Variants in FRYL observed in about 807,000 individuals in gnomAD.
FRYL encodes the protein FRY like transcription coactivator.
In FRYL, 150 loss-of-function variants were observed where a neutral mutation model predicts 351.2. The ratio of observed to expected loss-of-function variants is 0.43; its 90% CI spans 0.37 to 0.49. The LOEUF is 0.49. Ranked by LOEUF, FRYL falls within the 20% of genes least tolerant of loss-of-function variation. The pLI, the probability that FRYL is intolerant of heterozygous loss-of-function variation, is 0.00. For missense variants in FRYL, 3,036 were observed against 3,619.3 expected (o/e 0.84, Z 4.13); for synonymous variants, 1,153 against 1,257.1 (o/e 0.92, Z 1.75).
At position 48,637,043 on chromosome 4, in the gene FRYL, G is replaced by T. The variant is rs559543333; in HGVS notation, c.-80-2553C>A. 4 of 152,046 alleles carry T rather than the reference G, an allele frequency of 2.6e-5. No individual in the cohort carries two copies. The South Asian group carries it at 6.2e-4, about 24-fold the overall frequency. The allele number at this position is 152,046 out of a possible 1,614,324, so 9.4% of individuals were successfully genotyped here. A position where few individuals can be genotyped will look rare whatever the true frequency, so the allele number is the denominator to read the frequency against. ...TATAAAACCAAAGTAAAATTAGACA[G>T]CAGGAAAAAATATGTGGGCATATAA... On this transcript the variant is annotated intron_variant, in intron 3 of 63. Transcript: ENST00000358350.
chr4:48,516,535 A>G (rs1269837039), intron 55 of FRYL, among the ~76,000 whole-genome samples: 1 of 152,190 alleles, frequency 6.6e-6, no homozygotes, highest in African/African-American at 2.4e-5. Context: ...TCAGCTGTAG[A>G]GTAGCTCCTT....
intron 2 of FRYL, among the ~76,000 whole-genome samples, chr4:48,696,117 G>A (rs1434285348): frequency 6.6e-6 from 1 of 152,140 alleles, no homozygotes; most frequent in African/African-American, 2.4e-5. Flanking sequence ...AAGACAGGGT[G>A]GCGATTCCTC....
chr4:48,654,077 T>C (rs1758282874), intron 3 of FRYL, among the ~76,000 whole-genome samples: 1 of 152,168 alleles, frequency 6.6e-6, no homozygotes, highest in African/African-American at 2.4e-5. Flanking sequence ...TATGCAGATA[T>C]ACACATGGCC....
Position 48,540,728 on chromosome 4 carries a change from C to G in FRYL, c.5920G>C (p.Ala1974Pro). Residue 1974 changes from alanine (A) to proline (P), a missense_variant, in exon 46 of 64, where the codon GCA becomes CCA. Physicochemically the swap from Ala to Pro is conservative, Grantham distance 27 (BLOSUM62 -1). This residue lies in a region of FRYL where 1,987 missense variants were observed against 2,311.7 expected (regional missense o/e 0.86). Transcript: ENST00000358350. The part of the protein sequence containing the change: ...DGRINHSSSL[A>P]RTRSLSSLRE... ...AGAGAGGAAAGGCTTCTAGTCCTTG[C>G]TAAACTACTGCTATGGTTTATCCGT... The G allele has an allele frequency of 6.2e-7, 1 of 1,614,032 alleles. No individual in the cohort carries two copies.
rs1424261729 is a variant in FRYL at position 48,579,233 on chromosome 4, C to A, written c.2268G>T (p.Leu756Phe). Residue 756 changes from leucine (L) to phenylalanine (F), a missense_variant, in exon 23 of 64, where the codon TTG becomes TTT. This residue lies in a region of FRYL where 492 missense variants were observed against 551.5 expected (regional missense o/e 0.89). Coordinates refer to ENST00000358350, the MANE Select transcript of FRYL (RefSeq NM_015030.2). ...AATCTATCGAGCTAGGGCAATAGAG[C>A]AAAGTAGTCTATATGGAGAGGAAAA... The part of the protein sequence containing the change: ...IHLTGADQTT[L>F]LYCPSSIDLQ... The A allele has an allele frequency of 1.9e-6, 3 of 1,608,254 alleles. No individual in the cohort carries two copies. Among genetic ancestry groups the A allele is most frequent in the Middle Eastern group, 1.7e-4 (1 of 6,030 alleles).
chr4:48,660,487 G>A (rs1408200062), intron 3 of FRYL, among the ~76,000 whole-genome samples: 1 of 152,140 alleles, frequency 6.6e-6, no homozygotes, highest in Non-Finnish European at 1.5e-5. Flanking sequence ...TTCCTCCTGG[G>A]CATCTAAAAT....
chr4:48,723,862 G>A (rs1056819141), intron 1 of FRYL, among the ~76,000 whole-genome samples: 4 of 151,188 alleles, frequency 2.6e-5, no homozygotes, highest in Non-Finnish European at 4.4e-5. Flanking sequence ...AAGACAGGAG[G>A]ACTGTTTGAA....
At position 48,659,209 on chromosome 4, in the gene FRYL, G is replaced by C. The variant is rs558076476; in HGVS notation, c.-80-24719C>G. Among the ~76,000 whole-genome samples the C allele has an allele frequency of 2.2e-4, 34 of 151,586 alleles. No homozygotes were observed. The South Asian group carries it at 4.2e-3, about 19-fold the overall frequency. On this transcript the variant is annotated intron_variant, in intron 3 of 63. Transcript: ENST00000358350. ...CTACTGAAAATACAAAAATTAGCCA[G>C]GCATAGTGGTGTGCGCTTGTAGTCC...
Position 48,570,671 on chromosome 4 carries a change from G to A in FRYL, c.2996+156C>T, listed in dbSNP as rs553415214. Among the ~76,000 whole-genome samples, 10 of 152,232 alleles carry A rather than the reference G, an allele frequency of 6.6e-5. No individual in the cohort carries two copies. The East Asian group carries it at 1.3e-3, about 21-fold the overall frequency. On this transcript the variant is annotated intron_variant, in intron 27 of 63. Transcript: ENST00000358350. The stretch of plus-strand genomic sequence containing the variant: ...ATTTTTAGCTACTGGTCAGTGTATC[G>A]AATGCATATTTATTTGTTAAATAAT...
At chr4:48,698,680 A>G (rs1323270248) in intron 2 of FRYL, among the ~76,000 whole-genome samples, 1 of 152,218 alleles carries the variant, frequency 6.6e-6, no homozygotes, top group Non-Finnish European at 1.5e-5. Flanking sequence ...AACATTCCAA[A>G]TTAGTTTGGT....
Position 48,576,024 on chromosome 4 carries a change from A to G in FRYL, c.2721+6T>C. The G allele has an allele frequency of 6.4e-7, 1 of 1,568,688 alleles. No homozygotes were observed. Among genetic ancestry groups the G allele is most frequent in the South Asian group, 1.2e-5 (1 of 83,970 alleles). The stretch of plus-strand genomic sequence containing the variant: ...ATATATCCAACAGTGGATCTGAGAA[A>G]CTTACTTTAGAATCAATGCTATAGC... On this transcript the variant is annotated splice_donor_region_variant and intron_variant, in intron 24 of 63. Coordinates refer to ENST00000358350, the MANE Select transcript of FRYL (RefSeq NM_015030.2).
intron 1 of FRYL, among the ~76,000 whole-genome samples, chr4:48,719,676 G>C (rs1451622011): frequency 6.6e-6 from 1 of 151,570 alleles, no homozygotes; most frequent in Non-Finnish European, 1.5e-5. Context: ...GACACCTCTG[G>C]AAGTTAAGAT....
At chr4:48,722,759 T>C (rs1769632195) in intron 1 of FRYL, among the ~76,000 whole-genome samples, 1 of 152,226 alleles carries the variant, frequency 6.6e-6, no homozygotes, top group Non-Finnish European at 1.5e-5. Context: ...GTCTTTTACA[T>C]TTTTTATACA....
intron 4 of FRYL, among the ~76,000 whole-genome samples, chr4:48,625,338 A>G (rs1159451683): frequency 6.6e-6 from 1 of 152,200 alleles, no homozygotes; most frequent in Non-Finnish European, 1.5e-5. Context: ...CTATCAATGG[A>G]AAAAATGTGA....
intron 13 of FRYL, among the ~76,000 whole-genome samples, chr4:48,599,776 T>C (rs1157322164): frequency 6.6e-6 from 1 of 152,102 alleles, no homozygotes; most frequent in Non-Finnish European, 1.5e-5. Flanking sequence ...TTAGAGGATG[T>C]AGCATCCAAT....
chr4:48,650,281 C>A (rs1757349199), intron 3 of FRYL, among the ~76,000 whole-genome samples: 2 of 152,086 alleles, frequency 1.3e-5, no homozygotes, highest in Non-Finnish European at 2.9e-5. Flanking sequence ...AAACTCATCC[C>A]AACAAAAATT....
intron 2 of FRYL, among the ~76,000 whole-genome samples, chr4:48,693,984 AG>A (rs1238210531): frequency 1.2e-5 from 1 of 81,746 alleles, no homozygotes; most frequent in Non-Finnish European, 2.4e-5. Context: ...GAGCCACCAA[AG>A]TGTTTTATTT....
chr4:48,574,325 T>C (rs182510167), intron 25 of FRYL: 199 of 152,322 alleles, frequency 1.3e-3, no homozygotes, highest in African/African-American at 4.7e-3. Flanking sequence ...CCTATTTTTT[T>C]CAATTAGCAG....
intron 3 of FRYL, among the ~76,000 whole-genome samples, chr4:48,660,727 A>G (rs1760527915): frequency 6.6e-6 from 1 of 152,198 alleles, no homozygotes; most frequent in South Asian, 2.1e-4. Context: ...AGTCATTTTA[A>G]TACTACAGAC....
Sources: allele counts gnomAD v4.1 joint callset (sites outside exome capture counted in the v4.1 genomes callset), GRCh38; gene constraint gnomAD v4.1.1; regional missense constraint gnomAD v4.1.1; transcripts MANE v1.5; gene names NCBI Gene and HGNC (gene_info 2026-07-23, HGNC 2026-07-21).